CLVS1: variants seen among roughly 807,000 people sequenced by gnomAD.
CLVS1 encodes clavesin-1.
A neutral mutation model predicts 33.1 loss-of-function variants in CLVS1; 10 were observed. The ratio of observed to expected loss-of-function variants is 0.30; its 90% CI spans 0.19 to 0.51. The LOEUF is 0.51. Ranked by LOEUF, CLVS1 falls within the 20% of genes least tolerant of loss-of-function variation. The pLI is 0.97. For missense variants in CLVS1, 343 were observed against 433.4 expected, an observed-to-expected ratio of 0.79 and a Z score of 1.85; for synonymous variants, 163 against 166.1, an observed-to-expected ratio of 0.98 and a Z score of 0.14.
chr8:61,391,713 G>A (rs1691422327), intron 3 of CLVS1, among the ~76,000 whole-genome samples: 1 of 152,152 alleles, frequency 6.6e-6, no homozygotes, highest in Non-Finnish European at 1.5e-5. Flanking sequence ...GGATTTGGAA[G>A]AAATTATGAA....
rs532063858 is a variant in CLVS1 at position 61,346,172 on chromosome 8, A to G, written c.456-30433A>G. Among the ~76,000 whole-genome samples, 110 of 152,268 alleles carry G rather than the reference A, an allele frequency of 7.2e-4. 1 individual carries two copies. Among genetic ancestry groups the G allele is most frequent in the South Asian group, 1.7e-3 (8 of 4,824 alleles). ...GAAGAGTTATTCGCAAATGGTATAG[A>G]ATGTCAGTCAGCGTTTCTTAACCCA... is the stretch of plus-strand genomic sequence containing the variant. On this transcript the variant is annotated intron_variant, in intron 2 of 5. Coordinates refer to ENST00000325897, the MANE Select transcript of CLVS1 (RefSeq NM_173519.3).
chr8:61,291,430 T>C (rs1809987084), intron 1 of CLVS1, among the ~76,000 whole-genome samples: 1 of 152,200 alleles, frequency 6.6e-6, no homozygotes, highest in East Asian at 1.9e-4. Flanking sequence ...CTTAAAATAG[T>C]ATCAAAGGTC....
intron 2 of CLVS1, among the ~76,000 whole-genome samples, chr8:61,356,157 A>T (rs1214478968): frequency 6.6e-6 from 1 of 151,820 alleles, no homozygotes; most frequent in East Asian, 1.9e-4. Context: ...CATTTCTCTG[A>T]TGGCCAGTGA....
intron 2 of CLVS1, among the ~76,000 whole-genome samples, chr8:61,315,633 G>A (rs998550747): frequency 9.2e-5 from 14 of 152,304 alleles, no homozygotes; most frequent in African/African-American, 3.1e-4. Context: ...ACATCATAGT[G>A]GGGGAGGGAA....
At chr8:61,406,426 C>A (rs1362164817) in intron 3 of CLVS1, among the ~76,000 whole-genome samples, 1 of 152,188 alleles carries the variant, frequency 6.6e-6, no homozygotes, top group Non-Finnish European at 1.5e-5. Flanking sequence ...TAATTCACTA[C>A]ATAGGCTAGC....
chr8:61,481,504 C>G (rs1327975251), intron 5 of CLVS1, among the ~76,000 whole-genome samples: 8 of 152,180 alleles, frequency 5.3e-5, no homozygotes, highest in Non-Finnish European at 1.0e-4. Context: ...TACCCTAATA[C>G]TACGCTTTTC....
chr8:61,063,297 G>T (rs1222064349), intron 1 of CLVS1, among the ~76,000 whole-genome samples: 1 of 137,966 alleles, frequency 7.2e-6, no homozygotes. Flanking sequence ...GAGAGAGATA[G>T]AGAGAGAGAG....
Position 61,291,174 on chromosome 8 carries a change from T to G in CLVS1, c.-152+3036T>G, listed in dbSNP as rs1398851383. 6.6e-5 allele frequency among the ~76,000 whole-genome samples: 10 copies of G among 152,234 alleles called. 1 individual carries two copies. The highest frequency in any genetic ancestry group is 1.5e-4 in the Non-Finnish European group (10 of 68,032). ...GCCTCCCATAGCCCTTTATTATACCTTCTCAGGTCAGGTTGCCCTAGGCTC... is the reference window on the plus strand; with the variant it reads ...GCCTCCCATAGCCCTTTATTATACCGTCTCAGGTCAGGTTGCCCTAGGCTC... On this transcript the variant is annotated intron_variant, in intron 1 of 5. Transcript: ENST00000325897.
chr8:61,398,958 G>T (rs1814643801), intron 3 of CLVS1, among the ~76,000 whole-genome samples: 1 of 152,110 alleles, frequency 6.6e-6, no homozygotes, highest in Non-Finnish European at 1.5e-5. Flanking sequence ...TCATTGATGG[G>T]CATTTAGGTT....
chr8:61,002,327 GTTTTTT>G, the CLVS1 span, among the ~76,000 whole-genome samples: 2 of 98,798 alleles, frequency 2.0e-5, no homozygotes, highest in East Asian at 3.1e-4. Flanking sequence ...ATGCTTGCTT[GTTTTTT>G]TTTTTTTTTT....
intron 2 of CLVS1, among the ~76,000 whole-genome samples, chr8:61,279,298 G>T (rs945099993): frequency 6.6e-6 from 1 of 152,130 alleles, no homozygotes; most frequent in African/African-American, 2.4e-5. Flanking sequence ...TTGGCCAGAG[G>T]TGTCTTAGTT....
At chr8:61,344,982 G>A (rs1412718204) in intron 2 of CLVS1, among the ~76,000 whole-genome samples, 1 of 152,130 alleles carries the variant, frequency 6.6e-6, no homozygotes, top group African/African-American at 2.4e-5. Flanking sequence ...GTGACCTACT[G>A]TGTTACCAAA....
intron 2 of CLVS1, among the ~76,000 whole-genome samples, chr8:61,253,191 G>T (rs1232618825): frequency 6.6e-6 from 1 of 152,116 alleles, no homozygotes; most frequent in Non-Finnish European, 1.5e-5. Flanking sequence ...GCTTAGTTTG[G>T]CTGGATATGA....
At chr8:61,068,245 A>G (rs1033485643) in intron 1 of CLVS1, among the ~76,000 whole-genome samples, 6 of 146,856 alleles carry the variant, frequency 4.1e-5, no homozygotes, top group Admixed American at 1.4e-4. Context: ...ATATATATAT[A>G]TATGTATATA....
chr8:61,216,760 G>A (rs1808098714), intron 2 of CLVS1, among the ~76,000 whole-genome samples: 1 of 152,186 alleles, frequency 6.6e-6, no homozygotes, highest in Non-Finnish European at 1.5e-5. Context: ...TTCAGCCTCT[G>A]CCTCAGAGCT....
At chr8:61,377,712 C>T (rs1813703133) in intron 3 of CLVS1, 1 of 152,192 alleles carries the variant, frequency 6.6e-6, no homozygotes, top group South Asian at 2.1e-4. Context: ...ATTATGACTT[C>T]TTCCTATTTG....
intron 2 of CLVS1, among the ~76,000 whole-genome samples, chr8:61,198,382 C>T: frequency 6.6e-6 from 1 of 151,970 alleles, no homozygotes; most frequent in Non-Finnish European, 1.5e-5. Flanking sequence ...CCAATAGATA[C>T]TTTTTCTTCT....
Position 61,387,738 on chromosome 8 carries a change from T to C in CLVS1, c.630+10959T>C, listed in dbSNP as rs7008038. On this transcript the variant is annotated intron_variant, in intron 3 of 5. Transcript: ENST00000325897. Reference sequence around the variant, plus strand: ...AGTGAGAGCATACGATGTTTGGCTTTCCATTCCTGAGTTAGTTCACTTAGA... The same window carrying C: ...AGTGAGAGCATACGATGTTTGGCTTCCCATTCCTGAGTTAGTTCACTTAGA... 5.8e-3 allele frequency among the ~76,000 whole-genome samples: 877 copies of C among 152,318 alleles called. 8 individuals are homozygous for C. The highest frequency in any genetic ancestry group is 0.021 in the African/African-American group (858 of 41,584).
At chr8:61,106,427 G>A (rs1450885292) in intron 1 of CLVS1, among the ~76,000 whole-genome samples, 1 of 152,232 alleles carries the variant, frequency 6.6e-6, no homozygotes, top group African/African-American at 2.4e-5. Flanking sequence ...TGAAAGCTAA[G>A]GCGCATTTTG....
Sources: gnomAD v4.1 joint callset for allele counts (sites outside exome capture counted in the v4.1 genomes callset) on GRCh38, gnomAD v4.1.1 for gene constraint, MANE v1.5 for transcripts, NCBI Gene and HGNC (gene_info 2026-07-23, HGNC 2026-07-21) for gene names.